Variants in WWOX observed in about 807,000 individuals in gnomAD.
WWOX encodes the protein WW domain-containing oxidoreductase.
WWOX carries 69 observed loss-of-function variants against 46.2 expected under a neutral mutation model. That is an observed-to-expected ratio of 1.49 (90% confidence interval 1.23 to 1.82). The LOEUF is 1.82. WWOX is among the 40% of genes most tolerant of loss of function. WWOX has a pLI of 0.00. For synonymous variants in WWOX, 359 were observed against 202.6 expected, an observed-to-expected ratio of 1.77 and a Z score of -6.56; for missense variants, 919 against 542.6, an observed-to-expected ratio of 1.69 and a Z score of -6.89.
At chr16:78,925,941 C>T (rs188131395) in intron 8 of WWOX, among the ~76,000 whole-genome samples, 155 of 152,126 alleles carry the variant, frequency 1.0e-3, no homozygotes, top group Middle Eastern at 3.4e-3. Flanking sequence ...ACCATGAATG[C>T]GATTGGGCAG....
At chr16:78,458,777 T>C (rs1185673710) in intron 8 of WWOX, among the ~76,000 whole-genome samples, 2 of 152,162 alleles carry the variant, frequency 1.3e-5, no homozygotes, top group Admixed American at 1.3e-4. Context: ...TACTAGTGTC[T>C]GCTAATAGGT....
chr16:78,621,509 T>G (rs916132672), intron 8 of WWOX, among the ~76,000 whole-genome samples: 1 of 151,832 alleles, frequency 6.6e-6, no homozygotes, highest in Non-Finnish European at 1.5e-5. Flanking sequence ...ATTTTACTTC[T>G]ATTTGGTAGT....
rs145345994 is a variant in WWOX, at chr16:78,132,572, C to T, written c.409+17418C>T. Among the ~76,000 whole-genome samples, 276 of 152,286 alleles carry T rather than the reference C, an allele frequency of 1.8e-3. No individual in the cohort carries two copies. The Middle Eastern group carries it at 0.027, about 15-fold the overall frequency. Reference sequence around the variant, plus strand: ...AAAGGTCATCCAGTATCTTGATGTCCAGTCCATGCTTATAACCTGAGCAGT... The same window carrying T: ...AAAGGTCATCCAGTATCTTGATGTCTAGTCCATGCTTATAACCTGAGCAGT... On this transcript the variant is annotated intron_variant, in intron 4 of 8. Transcript: ENST00000566780.
Position 78,508,310 on chromosome 16 carries a change from C to CTTTTTTTTTTTTTT in WWOX, c.1056+75575_1056+75588dup, listed in dbSNP as rs60281450. Among the ~76,000 whole-genome samples the CTTTTTTTTTTTTTT allele has an allele frequency of 2.6e-4, 29 of 112,766 alleles. 2 individuals are homozygous for CTTTTTTTTTTTTTT. Among genetic ancestry groups the CTTTTTTTTTTTTTT allele is most frequent in the African/African-American group, 9.8e-4 (23 of 23,412 alleles). The allele number at this position is 112,766 out of a possible 152,430, so 74.0% of individuals were successfully genotyped here. On this transcript the variant is annotated intron_variant, in intron 8 of 8. Transcript: ENST00000566780. ...ATAGGCGTGAGCCACTGCGCCCGGC[C>CTTTTTTTTTTTTTT]TTTTTTTTTTTTTTTTTTTTTTTTT...
At chr16:78,908,472 A>G (rs2151251712) in intron 8 of WWOX, among the ~76,000 whole-genome samples, 1 of 151,634 alleles carries the variant, frequency 6.6e-6, no homozygotes, top group South Asian at 2.1e-4. Flanking sequence ...CCTGGGAGGC[A>G]GAGGCTGCAG....
intron 8 of WWOX, among the ~76,000 whole-genome samples, chr16:78,861,606 T>A (rs891283168): frequency 6.6e-6 from 1 of 152,200 alleles, no homozygotes; most frequent in African/African-American, 2.4e-5. Context: ...AATTACAGTA[T>A]CATCATCACA....
chr16:79,027,465 C>A (rs2550701), intron 8 of WWOX, among the ~76,000 whole-genome samples: 2 of 151,446 alleles, frequency 1.3e-5, no homozygotes, highest in Middle Eastern at 3.4e-3. Context: ...TTTATTGATA[C>A]TAAGAAGAGC....
At chr16:78,812,680 A>G (rs1369912184) in intron 8 of WWOX, among the ~76,000 whole-genome samples, 2 of 152,102 alleles carry the variant, frequency 1.3e-5, no homozygotes, top group South Asian at 2.1e-4. Flanking sequence ...GAGCCAAGAT[A>G]GTGCCACTGC....
chr16:78,609,752 A>G, intron 8 of WWOX, among the ~76,000 whole-genome samples: 1 of 152,324 alleles, frequency 6.6e-6, no homozygotes, highest in East Asian at 1.9e-4. Flanking sequence ...CAAAGGGGTG[A>G]GGTGGGTCCA....
At chr16:79,086,588 A>G (rs1206502361) in intron 8 of WWOX, among the ~76,000 whole-genome samples, 3 of 152,184 alleles carry the variant, frequency 2.0e-5, no homozygotes, top group Non-Finnish European at 4.4e-5. Context: ...TGGATAAAGA[A>G]TTTGTGTCCT....
chr16:78,605,430 C>T (rs189774167), intron 8 of WWOX, among the ~76,000 whole-genome samples: 1 of 151,712 alleles, frequency 6.6e-6, no homozygotes, highest in East Asian at 1.9e-4. Flanking sequence ...CCTCGCTCTT[C>T]TACTCTCAGT....
intron 8 of WWOX, among the ~76,000 whole-genome samples, chr16:79,103,736 C>G (rs1208540053): frequency 6.6e-6 from 1 of 152,072 alleles, no homozygotes; most frequent in African/African-American, 2.4e-5. Context: ...GTTACTTAAA[C>G]TATTAAGTCC....
intron 5 of WWOX, among the ~76,000 whole-genome samples, chr16:78,371,286 T>A (rs180882647): frequency 1.6e-4 from 24 of 152,318 alleles, no homozygotes; most frequent in Admixed American, 3.3e-4. Flanking sequence ...ATAACTTTTT[T>A]AAGATGAAAA....
At chr16:78,649,544 T>C (rs1333125031) in intron 8 of WWOX, among the ~76,000 whole-genome samples, 2 of 152,230 alleles carry the variant, frequency 1.3e-5, no homozygotes, top group African/African-American at 4.8e-5. Flanking sequence ...CCCAAAGTGC[T>C]GGGATTACAG....
intron 8 of WWOX, among the ~76,000 whole-genome samples, chr16:78,781,050 G>C (rs956120475): frequency 2.0e-5 from 3 of 152,140 alleles, no homozygotes; most frequent in Non-Finnish European, 4.4e-5. Context: ...TTGTTTTGCA[G>C]CTGCAACCTC....
intron 8 of WWOX, among the ~76,000 whole-genome samples, chr16:78,527,989 TCC>T (rs2043518479): frequency 9.1e-6 from 1 of 109,836 alleles, no homozygotes; most frequent in East Asian, 3.0e-4. Flanking sequence ...CTGGTACATG[TCC>T]TTTTTTTTTT....
At chr16:78,161,064 C>CT (rs930820138) in intron 4 of WWOX, among the ~76,000 whole-genome samples, 4 of 151,004 alleles carry the variant, frequency 2.6e-5, no homozygotes, top group East Asian at 1.9e-4. Context: ...GCTTTAGAGT[C>CT]TTTTTTTTCT....
chr16:79,122,683 CAGGAAATA>C lies in WWOX; in HGVS notation c.1057-88923_1057-88916del, dbSNP rs543394249. ...CTTAATTTGTTTTTGGGTCTGCTCGCAGGAAATAACCGTAAGCTAGGATAACTGAGGTA... is the reference window on the plus strand; with the variant it reads ...CTTAATTTGTTTTTGGGTCTGCTCGCACCGTAAGCTAGGATAACTGAGGTA... On this transcript the variant is annotated intron_variant, in intron 8 of 8. Transcript: ENST00000566780. Among the ~76,000 whole-genome samples the C allele has an allele frequency of 2.7e-3, 408 of 152,076 alleles. 3 individuals carry two copies. The highest frequency in any genetic ancestry group is 9.4e-3 in the African/African-American group (389 of 41,460).
intron 8 of WWOX, among the ~76,000 whole-genome samples, chr16:79,135,697 G>T (rs2049969770): frequency 6.6e-6 from 1 of 152,112 alleles, no homozygotes; most frequent in African/African-American, 2.4e-5. Context: ...CTAAGTGTCT[G>T]TGTAACACAC....
Sources: allele counts gnomAD v4.1 joint callset (sites outside exome capture counted in the v4.1 genomes callset), GRCh38; gene constraint gnomAD v4.1.1; transcripts MANE v1.5; gene names NCBI Gene and HGNC (gene_info 2026-07-23, HGNC 2026-07-21).